Variants in AFF4 observed in about 807,000 individuals in gnomAD.
AFF4 encodes AF4/FMR2 family member 4.
In AFF4, 13 loss-of-function variants were observed where a neutral mutation model predicts 124.8. The ratio of observed to expected loss-of-function variants is 0.10; its 90% confidence interval spans 0.07 to 0.17. The LOEUF (loss-of-function observed/expected upper bound fraction) is 0.17, where lower values mean the gene tolerates loss of function less well. Among genes scored for constraint, AFF4 ranks in the 10% least tolerant of loss-of-function variants. The probability of loss-of-function intolerance (pLI) is 1.00; values close to 1 mark genes in which losing one functional copy is unlikely to be tolerated. For synonymous variants in AFF4, 477 were observed against 496.1 expected, an observed-to-expected ratio of 0.96 and a Z score of 0.51; for missense variants, 1,092 against 1,403.8, an observed-to-expected ratio of 0.78 and a Z score of 3.55.
intron 1 of AFF4, among the ~76,000 whole-genome samples, chr5:132,961,107 C>T (rs114341411): frequency 7.9e-5 from 12 of 152,214 alleles, no homozygotes; most frequent in African/African-American, 2.6e-4. Flanking sequence ...TACCTGCAAT[C>T]CCAACTACTC....
chr5:132,930,184 A>T (rs2150095100), intron 4 of AFF4, among the ~76,000 whole-genome samples: 1 of 152,240 alleles, frequency 6.6e-6, no homozygotes, highest in East Asian at 1.9e-4. Flanking sequence ...ACAAACCAAA[A>T]CCCAAAGGCC....
intron 3 of AFF4, among the ~76,000 whole-genome samples, chr5:132,933,785 T>C: frequency 6.6e-6 from 1 of 152,208 alleles, no homozygotes; most frequent in East Asian, 1.9e-4. Flanking sequence ...TTAGTATCAA[T>C]CTAAGCATAG....
rs142680964 is a variant in AFF4 at position 132,889,395 on chromosome 5, G to T, written c.2638-222C>A. On this transcript the variant is annotated intron_variant, in intron 13 of 20. Coordinates refer to ENST00000265343, the MANE Select transcript of AFF4 (RefSeq NM_014423.4). The stretch of plus-strand genomic sequence containing the variant: ...TATTCATTCTAATATTTATATAAGG[G>T]TCTACTATATGCCAGGCACTGGCCT... 8.5e-5 allele frequency among the ~76,000 whole-genome samples: 13 copies of T among 152,088 alleles called. No individual in the cohort carries two copies. The East Asian group carries it at 2.5e-3, about 29-fold the overall frequency.
intron 5 of AFF4, among the ~76,000 whole-genome samples, chr5:132,908,339 G>A (rs1253569758): frequency 6.6e-6 from 1 of 152,056 alleles, no homozygotes; most frequent in Non-Finnish European, 1.5e-5. Flanking sequence ...TCAAAGGTAT[G>A]ACGCTAAGAT....
At chr5:132,889,321 C>A in intron 13 of AFF4, 148 bp from the exon 14 acceptor site, 2 of 553,628 alleles carry the variant, frequency 3.6e-6, no homozygotes, top group Non-Finnish European at 6.5e-6. Context: ...TTATAAACTT[C>A]ATAATGTAAA....
Position 132,902,452 on chromosome 5 carries a change from G to A in AFF4, c.1123C>T (p.Gln375Ter). Reference protein sequence around the residue: ...YNPSKTSNGHQSKSMLKDDLK... With the variant: ...YNPSKTSNGH ...AAGCAATAAACTTACGATTTAGACT[G>A]GTGCCCATTTGAAGTTTTAGAAGGA... Residue 375 changes from glutamine (Q) to a stop codon, truncating the protein, a stop_gained, in exon 7 of 21, where the codon CAG (glutamine) becomes TAG (stop). Transcript: ENST00000265343. LOFTEE classifies it high-confidence loss of function. 6.2e-7 allele frequency: 1 copy of A among 1,608,866 alleles called. No homozygotes were observed.
chr5:132,917,867 C>T (rs1157704370), intron 5 of AFF4, among the ~76,000 whole-genome samples: 3 of 148,410 alleles, frequency 2.0e-5, no homozygotes, highest in East Asian at 2.1e-4. Flanking sequence ...TGTGTGCCAC[C>T]GCACACAGCT....
chr5:132,914,293 C>T (rs1002278260), intron 5 of AFF4, among the ~76,000 whole-genome samples: 1 of 151,348 alleles, frequency 6.6e-6, no homozygotes. Flanking sequence ...TAGCTTCCAC[C>T]TCAAGAAATC....
chr5:132,956,188 G>T (rs1761955184), intron 1 of AFF4, among the ~76,000 whole-genome samples: 1 of 151,956 alleles, frequency 6.6e-6, no homozygotes. Context: ...TAGGGCCACA[G>T]TAAATATTTC....
intron 5 of AFF4, among the ~76,000 whole-genome samples, chr5:132,908,751 T>C (rs1301738811): frequency 7.2e-6 from 1 of 138,194 alleles, no homozygotes; most frequent in Non-Finnish European, 1.5e-5. Flanking sequence ...ATACACTATA[T>C]ATATACATAT....
At position 132,932,209 on chromosome 5, in the gene AFF4, C is replaced by G. The variant is rs1581316120; in HGVS notation, c.932G>C (p.Gly311Ala). ...GATTTCATCCACACAGCTCACATCA[C>G]CAGAAGCTGATGCCTTGAAAGAAAA... is the stretch of plus-strand genomic sequence containing the variant. Reference protein sequence around the residue: ...PSQPLDASASGDVSCVDEILK... With the variant: ...PSQPLDASASADVSCVDEILK... Residue 311 changes from glycine to alanine, a missense_variant, in exon 4 of 21, where the codon GGT becomes GCT. Physicochemically the swap from Gly to Ala is moderately conservative, Grantham distance 60. Coordinates refer to ENST00000265343, the MANE Select transcript of AFF4 (RefSeq NM_014423.4). 2 of 1,605,826 alleles carry G rather than the reference C, an allele frequency of 1.2e-6. No individual in the cohort carries two copies. The highest frequency in any genetic ancestry group is 4.5e-5 in the East Asian group (2 of 44,646).
intron 1 of AFF4, among the ~76,000 whole-genome samples, chr5:132,962,169 G>A (rs1195976028): frequency 6.6e-6 from 1 of 152,216 alleles, no homozygotes; most frequent in Non-Finnish European, 1.5e-5. Flanking sequence ...TTAAAGACCA[G>A]TTAAGTTTTA....
At chr5:132,903,386 C>A (rs1760599168) in intron 6 of AFF4, among the ~76,000 whole-genome samples, 1 of 152,134 alleles carries the variant, frequency 6.6e-6, no homozygotes, top group East Asian at 1.9e-4. Context: ...CAAAAAGTTC[C>A]ACATTTTCAT....
At chr5:132,913,960 G>A (rs552121220) in intron 5 of AFF4, among the ~76,000 whole-genome samples, 121 of 152,262 alleles carry the variant, frequency 7.9e-4, no homozygotes, top group African/African-American at 2.8e-3. Flanking sequence ...AGACACGGAG[G>A]CTCACCCCTG....
At chr5:132,963,053 G>C (rs1020425075) in intron 1 of AFF4, among the ~76,000 whole-genome samples, 1 of 152,188 alleles carries the variant, frequency 6.6e-6, no homozygotes, top group Non-Finnish European at 1.5e-5. Flanking sequence ...GATTGGGTTA[G>C]CTTTTTTTAT....
chr5:132,933,204 C>G (rs1761340997), intron 3 of AFF4, among the ~76,000 whole-genome samples: 1 of 152,076 alleles, frequency 6.6e-6, no homozygotes, highest in African/African-American at 2.4e-5. Context: ...TCAAGACCAG[C>G]CTGACCAACA....
intron 11 of AFF4, 37 bp from the exon 12 acceptor site, chr5:132,893,155 T>A (rs1485365723): frequency 6.4e-7 from 1 of 1,562,124 alleles, no homozygotes; most frequent in Non-Finnish European, 8.8e-7. Flanking sequence ...TGATTTTTAT[T>A]CAACTAACTT....
intron 10 of AFF4, 94 bp from the exon 11 acceptor site, chr5:132,897,334 A>T: frequency 7.6e-7 from 1 of 1,309,136 alleles, no homozygotes. Flanking sequence ...AAAAACCACA[A>T]TGCCTAATGC....
At chr5:132,891,834 T>C (rs1221092020) in intron 13 of AFF4, 1 of 381,202 alleles carries the variant, frequency 2.6e-6, no homozygotes, top group African/African-American at 2.1e-5. Flanking sequence ...AAAGTTCTTT[T>C]ACAGACAGGG....
Sources: allele counts gnomAD v4.1 joint callset (sites outside exome capture counted in the v4.1 genomes callset), GRCh38; gene constraint gnomAD v4.1.1; transcripts MANE v1.5; gene names NCBI Gene and HGNC (gene_info 2026-07-23, HGNC 2026-07-21).